The following PRKACB variants were observed in gnomAD, a reference collection of about 807,000 sequenced individuals.
PRKACB encodes the protein protein kinase cAMP-activated catalytic subunit beta.
In PRKACB, 16 loss-of-function variants were observed where a neutral mutation model predicts 51.4. That is an observed-to-expected ratio of 0.31 (90% CI 0.21 to 0.47). The LOEUF is 0.47. PRKACB is among the 20% of genes least tolerant of loss of function. PRKACB has a pLI of 1.00. For missense variants in PRKACB, 309 were observed against 464.5 expected (o/e 0.67, Z 3.08); for synonymous variants, 147 against 154.4 (o/e 0.95, Z 0.35).
At chr1:84,090,192 C>G (rs559661683) in intron 1 of PRKACB, among the ~76,000 whole-genome samples, 8 of 152,114 alleles carry the variant, frequency 5.3e-5, no homozygotes, top group Non-Finnish European at 1.0e-4. Context: ...CTCTTTATAC[C>G]TCTGACTTCT....
intron 8 of PRKACB, among the ~76,000 whole-genome samples, chr1:84,210,913 C>T (rs149527422): frequency 6.6e-6 from 1 of 152,086 alleles, no homozygotes; most frequent in Non-Finnish European, 1.5e-5. Flanking sequence ...GGAAAAAATA[C>T]TTTCACAATG....
chr1:84,129,366 G>A (rs1238092064), intron 1 of PRKACB, among the ~76,000 whole-genome samples: 1 of 152,000 alleles, frequency 6.6e-6, no homozygotes, highest in African/African-American at 2.4e-5. Flanking sequence ...TTTGCCAAGA[G>A]TGAATCAATT....
intron 7 of PRKACB, among the ~76,000 whole-genome samples, chr1:84,198,519 A>AGT: frequency 6.6e-6 from 1 of 152,236 alleles, no homozygotes; most frequent in South Asian, 2.1e-4. Context: ...AACTTATAGA[A>AGT]GTGTTAAAAT....
intron 1 of PRKACB, among the ~76,000 whole-genome samples, chr1:84,093,940 G>T (rs1024712124): frequency 6.6e-6 from 1 of 151,884 alleles, no homozygotes. Context: ...CATAGGGTTA[G>T]AAATTTTATG....
At chr1:84,218,765 A>G (rs886586138) in intron 9 of PRKACB, among the ~76,000 whole-genome samples, 1 of 152,202 alleles carries the variant, frequency 6.6e-6, no homozygotes, top group Admixed American at 6.5e-5. Context: ...CCAACAGTGT[A>G]TAAGAATTCC....
chr1:84,175,143 A>G, intron 1 of PRKACB: 1 of 1,222,450 alleles, frequency 8.2e-7, no homozygotes, highest in Non-Finnish European at 1.1e-6. Context: ...TTATAAAGTT[A>G]TATATTTTTA....
chr1:84,121,342 G>A (rs1206490831), intron 1 of PRKACB, among the ~76,000 whole-genome samples: 6 of 151,490 alleles, frequency 4.0e-5, no homozygotes, highest in African/African-American at 1.2e-4. Context: ...TAAATTTGAA[G>A]ATGAAAAAGG....
chr1:84,115,518 TTTTAG>T (rs1409927876), intron 1 of PRKACB, among the ~76,000 whole-genome samples: 1 of 151,920 alleles, frequency 6.6e-6, no homozygotes, highest in Non-Finnish European at 1.5e-5. Flanking sequence ...TGCAGAAGCT[TTTTAG>T]TTTAATTAAG....
At position 84,235,334 on chromosome 1, in the gene PRKACB, A is replaced by G. The variant is rs764146524; in HGVS notation, c.*29A>G. 1.2e-6 allele frequency: 2 copies of G among 1,613,258 alleles called. No individual in the cohort carries two copies. Among genetic ancestry groups the G allele is most frequent in the African/African-American group, 1.3e-5 (1 of 74,898 alleles). ...GGAACAAGATGACATCTGAGCTCACACTCAGTGTTTGCACTCTGTTGAGAG... is the reference window on the plus strand; with the variant it reads ...GGAACAAGATGACATCTGAGCTCACGCTCAGTGTTTGCACTCTGTTGAGAG... On this transcript the variant is annotated 3_prime_UTR_variant, in exon 10 of 10. Coordinates refer to ENST00000370685, the MANE Select transcript of PRKACB (RefSeq NM_182948.4).
chr1:84,179,232 A>C lies in PRKACB; in HGVS notation c.243A>C (p.Pro81=), dbSNP rs1662376200. The part of the protein sequence containing the change: ...KEDFLKKWEN[P]TQNNAGLEDF... ...ACTTTTTGAAAAAATGGGAGAATCC[A>C]ACTCAGGTAAGGAATATTTAGATTT... is the stretch of plus-strand genomic sequence containing the variant. Residue 81 remains proline, a synonymous_variant, in exon 2 of 10, where the codon CCA becomes CCC. Transcript: ENST00000370685. 6.3e-7 allele frequency: 1 copy of C among 1,579,042 alleles called. No individual in the cohort carries two copies. The highest frequency in any genetic ancestry group is 2.3e-5 in the East Asian group (1 of 43,850).
upstream of PRKACB, chr1:84,144,217 C>G: frequency 2.1e-6 from 3 of 1,401,314 alleles, no homozygotes; most frequent in Non-Finnish European, 2.8e-6. Context: ...TTTATATTAA[C>G]AGGAAACAGA....
At chr1:84,099,430 T>C (rs906126760) in intron 1 of PRKACB, among the ~76,000 whole-genome samples, 1 of 152,138 alleles carries the variant, frequency 6.6e-6, no homozygotes, top group Non-Finnish European at 1.5e-5. Flanking sequence ...TATTTTTGAA[T>C]TTAAAATATT....
chr1:84,089,215 G>A (rs1223731399), intron 1 of PRKACB, among the ~76,000 whole-genome samples: 1 of 152,112 alleles, frequency 6.6e-6, no homozygotes, highest in African/African-American at 2.4e-5. Flanking sequence ...ACCTCCTGTA[G>A]AAGCGTACAT....
chr1:84,156,512 G>T (rs1655524443), intron 1 of PRKACB, among the ~76,000 whole-genome samples: 1 of 152,082 alleles, frequency 6.6e-6, no homozygotes. Context: ...ATACTCATAT[G>T]CTTAGTCATC....
intron 1 of PRKACB, among the ~76,000 whole-genome samples, chr1:84,119,320 C>A (rs891635685): frequency 6.6e-6 from 1 of 151,930 alleles, no homozygotes; most frequent in Admixed American, 6.6e-5. Context: ...AACAAGGAGT[C>A]CAGGAAATAT....
intron 1 of PRKACB, among the ~76,000 whole-genome samples, chr1:84,168,498 C>G (rs1348575173): frequency 6.6e-6 from 1 of 151,480 alleles, no homozygotes; most frequent in Non-Finnish European, 1.5e-5. Context: ...CATGAATCTG[C>G]TATGAATTAC....
intron 9 of PRKACB, among the ~76,000 whole-genome samples, chr1:84,230,978 T>C (rs1457213490): frequency 9.9e-5 from 14 of 140,958 alleles, no homozygotes; most frequent in Admixed American, 4.4e-4. Context: ...TGAATAGGAG[T>C]GGTGAGAGAG....
In PRKACB at chr1:84,235,256, T is replaced by C; in HGVS notation, c.1148T>C (p.Ile383Thr). The change falls in exon 10 of 10, where the codon ATC becomes ACC. Residue 383 changes from isoleucine to threonine, a missense_variant. Transcript: ENST00000370685. ...SNFDDYEEED[I>T]RVSITEKCAK... ...TTTGATGACTATGAAGAAGAAGATATCCGTGTCTCTATAACAGAAAAATGT... is the reference window on the plus strand; with the variant it reads ...TTTGATGACTATGAAGAAGAAGATACCCGTGTCTCTATAACAGAAAAATGT... 1.2e-6 allele frequency: 2 copies of C among 1,614,088 alleles called. No homozygotes were observed. The highest frequency in any genetic ancestry group is 1.7e-6 in the Non-Finnish European group (2 of 1,179,934).
At chr1:84,114,438 G>A (rs767089103) in intron 1 of PRKACB, among the ~76,000 whole-genome samples, 9 of 151,928 alleles carry the variant, frequency 5.9e-5, no homozygotes, top group Non-Finnish European at 1.3e-4. Context: ...TAATCAGGAG[G>A]GCCTTTAGTG....
Sources: allele counts gnomAD v4.1 joint callset (sites outside exome capture counted in the v4.1 genomes callset), GRCh38; gene constraint gnomAD v4.1.1; transcripts MANE v1.5; gene names NCBI Gene and HGNC (gene_info 2026-07-23, HGNC 2026-07-21).